Variants in CSGALNACT1 observed in about 807,000 individuals in gnomAD.
CSGALNACT1 encodes chondroitin sulfate N-acetylgalactosaminyltransferase 1.
CSGALNACT1 carries 52 observed loss-of-function variants against 51.0 expected under a neutral mutation model. The observed-to-expected ratio is 1.02, with a 90% CI of 0.82 to 1.29. CSGALNACT1 has a LOEUF of 1.29. Ranked by LOEUF, CSGALNACT1 falls within the 50% of genes most tolerant of loss-of-function variation. The pLI is 0.00. For synonymous variants in CSGALNACT1, 341 were observed against 254.4 expected, an observed-to-expected ratio of 1.34 and a Z score of -3.24; for missense variants, 935 against 679.2, an observed-to-expected ratio of 1.38 and a Z score of -4.19.
At chr8:19,714,102 C>T (rs901532096) in intron 1 of CSGALNACT1, among the ~76,000 whole-genome samples, 2 of 152,180 alleles carry the variant, frequency 1.3e-5, no homozygotes, top group African/African-American at 4.8e-5. Context: ...AGCTGTTTCT[C>T]CTTTCAAAGG....
At chr8:19,554,773 C>T (rs1238170444) in intron 3 of CSGALNACT1, among the ~76,000 whole-genome samples, 2 of 152,088 alleles carry the variant, frequency 1.3e-5, no homozygotes, top group East Asian at 1.9e-4. Context: ...CAAAAATTAG[C>T]TGGGTGTGGT....
At chr8:19,743,978 C>T (rs1208000233) in intron 1 of CSGALNACT1, among the ~76,000 whole-genome samples, 1 of 151,972 alleles carries the variant, frequency 6.6e-6, no homozygotes, top group Non-Finnish European at 1.5e-5. Context: ...AAAAAAAAGA[C>T]AAATGATCCA....
At chr8:19,588,842 C>T (rs1272422740) in intron 3 of CSGALNACT1, among the ~76,000 whole-genome samples, 1 of 152,168 alleles carries the variant, frequency 6.6e-6, no homozygotes, top group African/African-American at 2.4e-5. Flanking sequence ...ACCTTAGCTC[C>T]TCTTTTTACG....
At chr8:19,606,193 A>G (rs1305258673), upstream of CSGALNACT1, among the ~76,000 whole-genome samples, 5 of 152,230 alleles carry the variant, frequency 3.3e-5, no homozygotes, top group Admixed American at 1.3e-4. Context: ...GAGATGAGAT[A>G]TGTGTCTGCC....
intron 4 of CSGALNACT1, among the ~76,000 whole-genome samples, chr8:19,486,971 A>C (rs568392271): frequency 6.6e-6 from 1 of 152,334 alleles, no homozygotes; most frequent in Non-Finnish European, 1.5e-5. Context: ...GTCAATGGAT[A>C]GCAGGATTTA....
intron 3 of CSGALNACT1, among the ~76,000 whole-genome samples, chr8:19,537,477 G>C (rs1266674487): frequency 6.6e-6 from 1 of 152,166 alleles, no homozygotes; most frequent in African/African-American, 2.4e-5. Flanking sequence ...AAATATTCAT[G>C]ACTTATTATT....
intron 4 of CSGALNACT1, among the ~76,000 whole-genome samples, chr8:19,478,306 C>CG (rs2070345108): frequency 6.7e-6 from 1 of 149,418 alleles, no homozygotes; most frequent in African/African-American, 2.5e-5. Flanking sequence ...CCCAGCTACT[C>CG]GGGAGGCTGA....
intron 5 of CSGALNACT1, among the ~76,000 whole-genome samples, chr8:19,450,041 C>T: frequency 1.0e-5 from 1 of 98,900 alleles, no homozygotes; most frequent in Admixed American, 1.5e-4. Flanking sequence ...GTTTCAAGGG[C>T]AAAATGGGGT....
intron 1 of CSGALNACT1, among the ~76,000 whole-genome samples, chr8:19,615,325 G>A (rs1252391942): frequency 1.3e-5 from 2 of 152,282 alleles, no homozygotes; most frequent in African/African-American, 2.4e-5. Context: ...GATAAATAAC[G>A]ATTTCCATCC....
At chr8:19,639,689 C>T (rs1228924229) in intron 1 of CSGALNACT1, among the ~76,000 whole-genome samples, 1 of 152,100 alleles carries the variant, frequency 6.6e-6, no homozygotes. Flanking sequence ...TCTTCTTCCA[C>T]CTCAAGGGGA....
intron 1 of CSGALNACT1, chr8:19,682,385 T>C: frequency 3.1e-6 from 1 of 321,634 alleles, no homozygotes; most frequent in Non-Finnish European, 6.2e-6. Context: ...TCTTCTTAAT[T>C]AGAAACAAAA....
chr8:19,601,541 T>C (rs977154294), intron 2 of CSGALNACT1, among the ~76,000 whole-genome samples: 7 of 152,192 alleles, frequency 4.6e-5, no homozygotes, highest in African/African-American at 1.7e-4. Flanking sequence ...TTGGGAAAGT[T>C]AGATGTAGAT....
intron 6 of CSGALNACT1, among the ~76,000 whole-genome samples, chr8:19,437,194 A>G (rs1367836536): frequency 1.3e-5 from 2 of 152,214 alleles, no homozygotes; most frequent in African/African-American, 4.8e-5. Flanking sequence ...ACTGGAAGTC[A>G]GAAAGAGCTC....
intron 4 of CSGALNACT1, among the ~76,000 whole-genome samples, chr8:19,503,677 A>G (rs969867428): frequency 6.6e-6 from 1 of 152,114 alleles, no homozygotes; most frequent in Non-Finnish European, 1.5e-5. Context: ...GTGATGTTGC[A>G]TTATCATGAT....
intron 3 of CSGALNACT1, among the ~76,000 whole-genome samples, chr8:19,581,424 T>G (rs1295090394): frequency 6.6e-6 from 1 of 152,234 alleles, no homozygotes. Flanking sequence ...AATTAAAATG[T>G]TATATTTGTG....
intron 3 of CSGALNACT1, among the ~76,000 whole-genome samples, chr8:19,588,176 C>T (rs918959679): frequency 2.0e-5 from 3 of 150,984 alleles, no homozygotes; most frequent in Admixed American, 6.6e-5. Flanking sequence ...GCCTAGGTGA[C>T]AAGAATGAAA....
intron 1 of CSGALNACT1, among the ~76,000 whole-genome samples, chr8:19,679,008 T>A (rs912921431): frequency 6.6e-6 from 1 of 152,208 alleles, no homozygotes; most frequent in Non-Finnish European, 1.5e-5. Context: ...GATATCATTA[T>A]CCCTATTCTA....
chr8:19,624,234 C>G (rs2054175905), intron 1 of CSGALNACT1, among the ~76,000 whole-genome samples: 1 of 152,138 alleles, frequency 6.6e-6, no homozygotes, highest in Admixed American at 6.5e-5. Flanking sequence ...GGATTATTAT[C>G]TTGACTTTCA....
intron 2 of CSGALNACT1, among the ~76,000 whole-genome samples, chr8:19,598,658 T>A (rs1441085216): frequency 3.3e-5 from 5 of 152,202 alleles, no homozygotes; most frequent in Admixed American, 2.0e-4. Flanking sequence ...TAAGCTTATG[T>A]GTCTACAAAC....
Sources: allele counts gnomAD v4.1 joint callset (sites outside exome capture counted in the v4.1 genomes callset), GRCh38; gene constraint gnomAD v4.1.1; transcripts MANE v1.5; gene names NCBI Gene and HGNC (gene_info 2026-07-23, HGNC 2026-07-21).